The following HSDL2 variants were observed in gnomAD, a reference collection of about 807,000 sequenced individuals.
The protein encoded by HSDL2 is hydroxysteroid dehydrogenase-like protein 2.
A neutral mutation model predicts 46.3 loss-of-function variants in HSDL2; 27 were observed. The ratio of observed to expected loss-of-function variants is 0.58; its 90% CI spans 0.43 to 0.80. The LOEUF (loss-of-function observed/expected upper bound fraction) is 0.80. Ranked by LOEUF, HSDL2 falls within the 30% of genes least tolerant of loss-of-function variation. The pLI is 0.00. For missense variants in HSDL2, 451 were observed against 502.7 expected, an observed-to-expected ratio of 0.90 and a Z score of 0.98; for synonymous variants, 153 against 163.6, an observed-to-expected ratio of 0.94 and a Z score of 0.50.
intron 6 of HSDL2, among the ~76,000 whole-genome samples, chr9:112,434,576 G>C (rs1832478497): frequency 6.6e-6 from 1 of 152,164 alleles, no homozygotes; most frequent in South Asian, 2.1e-4. Context: ...TTAATTGGCA[G>C]CTTTTTTCTT....
intron 1 of HSDL2, among the ~76,000 whole-genome samples, chr9:112,380,479 A>G (rs1195360241): frequency 6.6e-6 from 1 of 152,198 alleles, no homozygotes; most frequent in Non-Finnish European, 1.5e-5. Flanking sequence ...CCCTGAGTTT[A>G]GCAGGAGTGC....
rs545468236 is a variant in HSDL2, at chr9:112,428,187, G to A, written c.598+9229G>A. Among the ~76,000 whole-genome samples the A allele has an allele frequency of 3.3e-5, 5 of 152,304 alleles. No individual in the cohort carries two copies. The South Asian group carries it at 8.3e-4, about 25-fold the overall frequency. The stretch of plus-strand genomic sequence containing the variant: ...CTGAGTACTGGGGCATGCTGCTGAG[G>A]TAACTCTTAGGAATATTTGACAGTT... On this transcript the variant is annotated intron_variant, in intron 6 of 10. Transcript: ENST00000398805.
At position 112,438,428 on chromosome 9, in the gene HSDL2, C is replaced by T; in HGVS notation, c.599-3C>T. 1 of 1,551,796 alleles carries T rather than the reference C, an allele frequency of 6.4e-7. No homozygotes were observed. Among genetic ancestry groups the T allele is most frequent in the Non-Finnish European group, 8.7e-7 (1 of 1,150,842 alleles). The stretch of plus-strand genomic sequence containing the variant: ...TGTATGTGTGTGTGTGTTTTCTCTA[C>T]AGCCATACACACTGCTGCTATGGAT... On this transcript the variant is annotated splice_polypyrimidine_tract_variant and splice_region_variant and intron_variant, in intron 6 of 10. Transcript: ENST00000398805.
chr9:112,463,302 C>A (rs919868724), intron 10 of HSDL2, among the ~76,000 whole-genome samples: 4 of 148,206 alleles, frequency 2.7e-5, no homozygotes, highest in African/African-American at 1.0e-4. Flanking sequence ...GAGATAGGGT[C>A]TCGCTTTGCT....
intron 2 of HSDL2, among the ~76,000 whole-genome samples, chr9:112,405,163 C>T (rs1174664855): frequency 1.3e-5 from 2 of 152,134 alleles, no homozygotes; most frequent in Admixed American, 6.5e-5. Flanking sequence ...ACCAGCCTGA[C>T]CAACATGGCA....
At chr9:112,383,978 G>T (rs79267396) in intron 1 of HSDL2, among the ~76,000 whole-genome samples, 2,242 of 152,306 alleles carry the variant, frequency 0.015, 56 homozygotes, top group African/African-American at 0.051. Flanking sequence ...TAGGATTACA[G>T]ATGTGAGCCA....
intron 1 of HSDL2, among the ~76,000 whole-genome samples, chr9:112,381,043 G>A (rs1831078150): frequency 6.7e-6 from 1 of 149,890 alleles, no homozygotes; most frequent in Admixed American, 6.7e-5. Flanking sequence ...AGTTACTTAC[G>A]TTTCTATTTC....
chr9:112,391,877 ACT>A (rs1475118273), intron 1 of HSDL2, among the ~76,000 whole-genome samples: 1 of 143,934 alleles, frequency 6.9e-6, no homozygotes, highest in Non-Finnish European at 1.5e-5. Flanking sequence ...CAAGAGCAAA[ACT>A]CTGTCTCAAA....
chr9:112,381,102 C>CACAT (rs1286765833), intron 1 of HSDL2, among the ~76,000 whole-genome samples: 1 of 151,872 alleles, frequency 6.6e-6, no homozygotes. Flanking sequence ...CACACACACA[C>CACAT]ACACACACAC....
chr9:112,430,335 G>C (rs1268104198), intron 6 of HSDL2, among the ~76,000 whole-genome samples: 1 of 152,180 alleles, frequency 6.6e-6, no homozygotes, highest in African/African-American at 2.4e-5. Context: ...CATGATGCAA[G>C]AGCAGGGAGA....
chr9:112,394,186 A>T (rs1313573980), intron 1 of HSDL2, among the ~76,000 whole-genome samples: 1 of 152,138 alleles, frequency 6.6e-6, no homozygotes, highest in African/African-American at 2.4e-5. Context: ...GGTAGTGGGG[A>T]CAACAGACAG....
chr9:112,399,284 A>G (rs2132613609), intron 1 of HSDL2, among the ~76,000 whole-genome samples: 1 of 152,302 alleles, frequency 6.6e-6, no homozygotes, highest in African/African-American at 2.4e-5. Flanking sequence ...AGGTTTCAAA[A>G]GGGGAGGGGG....
chr9:112,435,225 C>T (rs1181506301), intron 6 of HSDL2, among the ~76,000 whole-genome samples: 18 of 151,972 alleles, frequency 1.2e-4, no homozygotes, highest in Admixed American at 1.2e-3. Flanking sequence ...ATTCTATAGA[C>T]ACTCACACAC....
rs1832574713 is a variant in HSDL2, at chr9:112,438,471, T to C, written c.639T>C (p.Gly213=). The C allele has an allele frequency of 1.9e-6, 3 of 1,609,524 alleles. No individual in the cohort carries two copies. The highest frequency in any genetic ancestry group is 2.7e-5 in the African/African-American group (2 of 74,724). Residue 213 remains glycine (G), a synonymous_variant, in exon 7 of 11, where the codon GGT becomes GGC. Coordinates refer to ENST00000398805, the MANE Select transcript of HSDL2 (RefSeq NM_032303.5). ...CTATGGATATGCTGGGAGGACCTGGTATCGAAAGCCAGTGTAGAAAAGTTG... is the reference window on the plus strand; with the variant it reads ...CTATGGATATGCTGGGAGGACCTGGCATCGAAAGCCAGTGTAGAAAAGTTG... ...TAAMDMLGGP[G]IESQCRKVDI... is the part of the protein sequence containing the mutation.
intron 6 of HSDL2, among the ~76,000 whole-genome samples, chr9:112,427,569 G>C (rs1346514499): frequency 6.6e-6 from 1 of 152,098 alleles, no homozygotes; most frequent in Admixed American, 6.5e-5. Flanking sequence ...ATTTACATCA[G>C]GATCTAAATT....
chr9:112,441,367 A>T (rs1426261941), intron 7 of HSDL2, among the ~76,000 whole-genome samples: 1 of 152,208 alleles, frequency 6.6e-6, no homozygotes, highest in Non-Finnish European at 1.5e-5. Context: ...CAGGTAAGAA[A>T]TAAGTCCTGA....
At chr9:112,449,391 T>G (rs899752568) in intron 8 of HSDL2, among the ~76,000 whole-genome samples, 1 of 152,054 alleles carries the variant, frequency 6.6e-6, no homozygotes, top group African/African-American at 2.4e-5. Context: ...CCAGCCTCTT[T>G]CCTCTGTTTT....
At chr9:112,380,544 G>T (rs1351754147) in intron 1 of HSDL2, among the ~76,000 whole-genome samples, 1 of 152,200 alleles carries the variant, frequency 6.6e-6, no homozygotes, top group East Asian at 1.9e-4. Context: ...AGCAGCTCCA[G>T]AGTTTAAAGA....
intron 6 of HSDL2, among the ~76,000 whole-genome samples, chr9:112,425,171 C>T (rs183177382): frequency 6.6e-6 from 1 of 152,064 alleles, no homozygotes; most frequent in Admixed American, 6.6e-5. Context: ...GTTCTTGCAT[C>T]CTTTCTACTA....
Sources: gnomAD v4.1 joint callset for allele counts (sites outside exome capture counted in the v4.1 genomes callset) on GRCh38, gnomAD v4.1.1 for gene constraint, MANE v1.5 for transcripts, NCBI Gene and HGNC (gene_info 2026-07-23, HGNC 2026-07-21) for gene names.